SMARCB1: variants seen among roughly 807,000 people sequenced by gnomAD.
The protein encoded by SMARCB1 is SWI/SNF-related matrix-associated actin-dependent regulator of chromatin subfamily B member 1.
A neutral mutation model predicts 49.0 loss-of-function variants in SMARCB1; 5 were observed. That is an observed-to-expected ratio of 0.10 (90% confidence interval 0.05 to 0.21). SMARCB1 has a LOEUF of 0.21. SMARCB1 is among the 10% of genes least tolerant of loss of function. SMARCB1 has a pLI of 1.00. For synonymous variants in SMARCB1, 201 were observed against 200.1 expected (o/e 1.00, Z -0.04); for missense variants, 226 against 509.2 (o/e 0.44, Z 5.35).
At chr22:23,821,310 G>A (rs2030074498) in intron 6 of SMARCB1, among the ~76,000 whole-genome samples, 1 of 152,258 alleles carries the variant, frequency 6.6e-6, no homozygotes, top group Admixed American at 6.5e-5. Context: ...GAGGCCTCCT[G>A]GGCACCGTGA....
At chr22:23,798,830 C>A (rs1928935816) in intron 3 of SMARCB1, among the ~76,000 whole-genome samples, 1 of 152,038 alleles carries the variant, frequency 6.6e-6, no homozygotes, top group Non-Finnish European at 1.5e-5. Context: ...GCGGGCGGAT[C>A]ACAAGGTCAG....
intron 5 of SMARCB1, among the ~76,000 whole-genome samples, chr22:23,811,390 A>G (rs1399611645): frequency 6.6e-6 from 1 of 152,228 alleles, no homozygotes; most frequent in Non-Finnish European, 1.5e-5. Context: ...CTATCGACCA[A>G]CAGAATCTGA....
rs376975600 is a variant in SMARCB1, at chr22:23,787,028, G to A, written c.-142G>A. On this transcript the variant is annotated 5_prime_UTR_variant, in exon 1 of 9. Transcript: ENST00000644036. ...CTGCGGCGGCGGCGGCGGCTGAGGAGCCCGGCTGAGGCGCCAGTACCCGGC... is the reference window on the plus strand; with the variant it reads ...CTGCGGCGGCGGCGGCGGCTGAGGAACCCGGCTGAGGCGCCAGTACCCGGC... The A allele has an allele frequency of 6.4e-5, 35 of 548,414 alleles. No individual in the cohort carries two copies. The highest frequency in any genetic ancestry group is 1.0e-4 in the East Asian group (3 of 28,786). 34.0% of individuals were successfully genotyped at this position (548,414 alleles called of 1,614,324 possible).
At chr22:23,821,953 T>C (rs2030111799) in intron 6 of SMARCB1, among the ~76,000 whole-genome samples, 1 of 152,134 alleles carries the variant, frequency 6.6e-6, no homozygotes, top group Non-Finnish European at 1.5e-5. Flanking sequence ...CTCTTCCACC[T>C]TGGCCTCCCA....
intron 7 of SMARCB1, among the ~76,000 whole-genome samples, chr22:23,830,087 C>T (rs2030576519): frequency 6.6e-6 from 1 of 152,124 alleles, no homozygotes; most frequent in African/African-American, 2.4e-5. Flanking sequence ...TTCCATTTTT[C>T]AGCTATTGTG....
Position 23,811,987 on chromosome 22 carries a change from A to G in SMARCB1, c.629-4783A>G, listed in dbSNP as rs1377533679. Among the ~76,000 whole-genome samples the G allele has an allele frequency of 2.0e-5, 3 of 152,242 alleles. No homozygotes were observed. The East Asian group carries it at 5.8e-4, about 29-fold the overall frequency. ...AATATCAGGAATGAAATGGGATGTC[A>G]CCACAGACCCTGCAGATATCAAAAG... On this transcript the variant is annotated intron_variant, in intron 5 of 8. Transcript: ENST00000644036.
intron 6 of SMARCB1, among the ~76,000 whole-genome samples, chr22:23,822,456 C>T (rs1383271878): frequency 6.6e-6 from 1 of 152,148 alleles, no homozygotes; most frequent in Non-Finnish European, 1.5e-5. Context: ...CTCCTCACTA[C>T]CCCACCAAGG....
In SMARCB1 at chr22:23,837,994, G is replaced by A; in HGVS notation, c.*3814G>A. ...CAAGATGAGCCAGTCCAATAAAGGC[G>A]ACACACTCCACGGGCTTCAGGTCCC... On this transcript the variant is annotated 3_prime_UTR_variant, in exon 9 of 9. Coordinates refer to ENST00000644036, the MANE Select transcript of SMARCB1 (RefSeq NM_003073.5). The A allele has an allele frequency of 8.1e-7, 1 of 1,237,916 alleles. No individual in the cohort carries two copies. 76.7% of individuals were successfully genotyped at this position (1,237,916 alleles called of 1,614,324 possible).
chr22:23,815,147 G>A (rs963018065), intron 5 of SMARCB1: 2 of 152,190 alleles, frequency 1.3e-5, no homozygotes, highest in Admixed American at 6.5e-5. Context: ...TGCTGGCGAG[G>A]ATGTGGAGGA....
chr22:23,825,682 C>G, intron 7 of SMARCB1: 1 of 519,274 alleles, frequency 1.9e-6, no homozygotes, highest in Non-Finnish European at 3.5e-6. Context: ...CTTGCCTCCA[C>G]GGAGCCCTGG....
chr22:23,809,845 T>G (rs961328896), intron 5 of SMARCB1, among the ~76,000 whole-genome samples: 1 of 152,166 alleles, frequency 6.6e-6, no homozygotes, highest in Non-Finnish European at 1.5e-5. Context: ...TGAACGATAT[T>G]GGACATTCTT....
intron 8 of SMARCB1, 42 bp downstream of exon 8, chr22:23,833,745 C>T (rs750442915): frequency 1.2e-6 from 2 of 1,612,192 alleles, no homozygotes; most frequent in Admixed American, 1.7e-5. Flanking sequence ...CCACAGGCAC[C>T]TGGCTTTCCA....
intron 5 of SMARCB1, 60 bp downstream of exon 5, chr22:23,803,482 A>C: frequency 6.2e-7 from 1 of 1,600,496 alleles, no homozygotes; most frequent in Non-Finnish European, 8.6e-7. Flanking sequence ...ACGTGGGAAC[A>C]GTCCCGTTTC....
intron 5 of SMARCB1, among the ~76,000 whole-genome samples, chr22:23,808,300 T>C (rs1929642559): frequency 6.6e-6 from 1 of 152,192 alleles, no homozygotes; most frequent in Non-Finnish European, 1.5e-5. Flanking sequence ...TTTTGTATTT[T>C]TTAGTAGAGA....
intron 7 of SMARCB1, 104 bp from the exon 8 acceptor site, chr22:23,833,468 G>A: frequency 6.6e-7 from 1 of 1,519,646 alleles, no homozygotes; most frequent in Non-Finnish European, 9.1e-7. Flanking sequence ...GGTGCCAGCA[G>A]TGCTGCTGGG....
chr22:23,830,137 T>A (rs1396756347), intron 7 of SMARCB1, among the ~76,000 whole-genome samples: 1 of 152,262 alleles, frequency 6.6e-6, no homozygotes, highest in Admixed American at 6.5e-5. Context: ...AGTTTTTGTG[T>A]GAACATCTGT....
At chr22:23,813,978 C>T (rs542896394) in intron 5 of SMARCB1, among the ~76,000 whole-genome samples, 100 of 152,096 alleles carry the variant, frequency 6.6e-4, no homozygotes, top group Non-Finnish European at 1.1e-3. Context: ...TACAGGTGCC[C>T]GCCACCATGC....
In SMARCB1 at chr22:23,834,617, G is replaced by T; in HGVS notation, c.*437G>T. On this transcript the variant is annotated 3_prime_UTR_variant, in exon 9 of 9. Transcript: ENST00000644036. ...ACGAAGGTGGTATGTGAACAAGGTTGGCACACAGGCCTCACCCTCCTCTGC... is the reference window on the plus strand; with the variant it reads ...ACGAAGGTGGTATGTGAACAAGGTTTGCACACAGGCCTCACCCTCCTCTGC... 1 of 745,692 alleles carries T rather than the reference G, an allele frequency of 1.3e-6. No homozygotes were observed. The highest frequency in any genetic ancestry group is 2.3e-6 in the Non-Finnish European group (1 of 436,284). The allele number at this position is 745,692 out of a possible 1,614,324, so 46.2% of individuals were successfully genotyped here.
intron 5 of SMARCB1, among the ~76,000 whole-genome samples, chr22:23,812,122 G>A (rs968509678): frequency 6.6e-6 from 1 of 152,088 alleles, no homozygotes; most frequent in Non-Finnish European, 1.5e-5. Flanking sequence ...AATTTGAGTT[G>A]CCCTATAACT....
Sources: gnomAD v4.1 joint callset for allele counts (sites outside exome capture counted in the v4.1 genomes callset) on GRCh38, gnomAD v4.1.1 for gene constraint, MANE v1.5 for transcripts, NCBI Gene and HGNC (gene_info 2026-07-23, HGNC 2026-07-21) for gene names.